UHMK1: variants seen among roughly 807,000 people sequenced by gnomAD.
UHMK1 encodes the protein U2AF homology motif kinase 1.
UHMK1 carries 18 observed loss-of-function variants against 44.0 expected under a neutral mutation model. The observed-to-expected ratio is 0.41, with a 90% CI of 0.28 to 0.61. UHMK1 has a LOEUF of 0.61. UHMK1 is among the 20% of genes least tolerant of loss of function. UHMK1 has a pLI of 0.31. For synonymous variants in UHMK1, 231 were observed against 198.5 expected, an observed-to-expected ratio of 1.16 and a Z score of -1.38; for missense variants, 463 against 522.5, an observed-to-expected ratio of 0.89 and a Z score of 1.11.
intron 4 of UHMK1, among the ~76,000 whole-genome samples, chr1:162,510,822 T>G (rs1651639127): frequency 6.6e-6 from 1 of 152,192 alleles, no homozygotes; most frequent in African/African-American, 2.4e-5. Flanking sequence ...CCTTTGGATA[T>G]ATACCCAGTA....
chr1:162,505,007 T>C (rs1651419018), intron 4 of UHMK1, among the ~76,000 whole-genome samples: 1 of 152,190 alleles, frequency 6.6e-6, no homozygotes, highest in South Asian at 2.1e-4. Flanking sequence ...ACTCCTGACC[T>C]CAAGTGATCT....
chr1:162,523,564 C>G lies in UHMK1; in HGVS notation c.*1014C>G, dbSNP rs565932542. On this transcript the variant is annotated 3_prime_UTR_variant, in exon 8 of 8. Coordinates refer to ENST00000489294, the MANE Select transcript of UHMK1 (RefSeq NM_175866.5). ...GTAAATCTATAGTTTTAAGGTTTCT[C>G]AAGATGTGGCTCTACCTACTATGAT... 1 of 152,574 alleles carries G rather than the reference C, an allele frequency of 6.6e-6. No individual in the cohort carries two copies. Among genetic ancestry groups the G allele is most frequent in the East Asian group, 1.9e-4 (1 of 5,186 alleles). 9.5% of individuals were successfully genotyped at this position (152,574 alleles called of 1,614,324 possible). A position where few individuals can be genotyped will look rare whatever the true frequency, so the allele number is the denominator to read the frequency against.
intron 2 of UHMK1, 181 bp from the exon 3 acceptor site, chr1:162,500,732 C>A: frequency 1.7e-6 from 1 of 592,254 alleles, no homozygotes; most frequent in South Asian, 2.3e-5. Flanking sequence ...AAATGTACAG[C>A]TTGCCTCTGA....
upstream of UHMK1, chr1:162,497,809 C>A: frequency 7.6e-7 from 1 of 1,315,032 alleles, no homozygotes; most frequent in East Asian, 3.3e-5. Flanking sequence ...TCCTCCATTT[C>A]CGGCTTCTGG....
chr1:162,506,263 G>T (rs1651464990), intron 4 of UHMK1, among the ~76,000 whole-genome samples: 3 of 130,068 alleles, frequency 2.3e-5, no homozygotes, highest in African/African-American at 5.9e-5. Context: ...TACTAAATTT[G>T]GAAACTATAG....
chr1:162,504,180 TC>T (rs1252228715), intron 4 of UHMK1, among the ~76,000 whole-genome samples: 1 of 151,880 alleles, frequency 6.6e-6, no homozygotes, highest in Non-Finnish European at 1.5e-5. Context: ...ACTACTCCCC[TC>T]CCCCCAAAAA....
chr1:162,518,213 G>A, intron 7 of UHMK1, 23 bp downstream of exon 7: 1 of 1,513,314 alleles, frequency 6.6e-7, no homozygotes, highest in African/African-American at 1.4e-5. Context: ...TTTCATAATT[G>A]CAGATTACTC....
chr1:162,521,217 A>C (rs894733755), intron 7 of UHMK1, among the ~76,000 whole-genome samples: 2 of 152,220 alleles, frequency 1.3e-5, no homozygotes, highest in African/African-American at 2.4e-5. Context: ...AAATAATCAG[A>C]ATTAAAATGA....
chr1:162,500,371 GC>G, intron 2 of UHMK1, 124 bp downstream of exon 2: 1 of 1,124,264 alleles, frequency 8.9e-7, no homozygotes, highest in Non-Finnish European at 1.2e-6. Flanking sequence ...TTACTGAAAT[GC>G]CAGGGGATGC....
rs1240770953 is a variant in UHMK1, at chr1:162,525,484, G to A, written c.*2934G>A. 6.6e-6 allele frequency: 1 copy of A among 152,176 alleles called. No individual in the cohort carries two copies. The highest frequency in any genetic ancestry group is 2.4e-5 in the African/African-American group (1 of 41,432). 9.4% of individuals were successfully genotyped at this position (152,176 alleles called of 1,614,324 possible). A position where few individuals can be genotyped will look rare whatever the true frequency, so the allele number is the denominator to read the frequency against. On this transcript the variant is annotated 3_prime_UTR_variant, in exon 8 of 8. Coordinates refer to ENST00000489294, the MANE Select transcript of UHMK1 (RefSeq NM_175866.5). Reference sequence around the variant, plus strand: ...TGTACACCCAGAAAAGGCACATACAGTGATTATTTTGTGGGAAATACTTGA... The same window carrying A: ...TGTACACCCAGAAAAGGCACATACAATGATTATTTTGTGGGAAATACTTGA...
chr1:162,497,261 C>A, upstream of UHMK1: 1 of 702,516 alleles, frequency 1.4e-6, no homozygotes, highest in Non-Finnish European at 2.6e-6. Flanking sequence ...ATGTTTCTTA[C>A]CAGACCGAAG....
chr1:162,503,611 CAAAA>C (rs33964112), intron 3 of UHMK1, 139 bp from the exon 4 acceptor site: 16,994 of 352,110 alleles, frequency 0.048, no homozygotes, highest in South Asian at 0.065. Context: ...ACCCTGTCTC[CAAAA>C]AAAAAAAAAA....
intron 7 of UHMK1, among the ~76,000 whole-genome samples, chr1:162,521,978 T>G (rs1652075869): frequency 6.6e-6 from 1 of 152,172 alleles, no homozygotes; most frequent in South Asian, 2.1e-4. Context: ...ACCAATATTT[T>G]TTCCTTTTTC....
chr1:162,512,420 C>A, intron 4 of UHMK1, 80 bp from the exon 5 acceptor site: 1 of 1,106,604 alleles, frequency 9.0e-7, no homozygotes, highest in Non-Finnish European at 1.3e-6. Context: ...GATGAACATT[C>A]AGACATTCTT....
chr1:162,528,732 C>G lies in UHMK1; in HGVS notation c.*6182C>G, dbSNP rs1336016181. On this transcript the variant is annotated 3_prime_UTR_variant, in exon 8 of 8. Transcript: ENST00000489294. ...TTTGCAGACTGTAAAGCTGCCCTATCTTTTCCAGCAGAATTTACTCTTCCA... is the reference window on the plus strand; with the variant it reads ...TTTGCAGACTGTAAAGCTGCCCTATGTTTTCCAGCAGAATTTACTCTTCCA... 2 of 152,112 alleles carry G rather than the reference C, an allele frequency of 1.3e-5. No individual in the cohort carries two copies. Among genetic ancestry groups the G allele is most frequent in the Non-Finnish European group, 2.9e-5 (2 of 67,970 alleles). The allele number at this position is 152,112 out of a possible 1,614,324, so 9.4% of individuals were successfully genotyped here.
At chr1:162,511,829 C>T (rs530543719) in intron 4 of UHMK1, among the ~76,000 whole-genome samples, 9 of 151,994 alleles carry the variant, frequency 5.9e-5, no homozygotes, top group African/African-American at 1.7e-4. Context: ...TTCCCAGCAC[C>T]GTTTATTGAA....
chr1:162,498,344 T>G, intron 1 of UHMK1, 76 bp downstream of exon 1: 1 of 1,486,038 alleles, frequency 6.7e-7, no homozygotes, highest in South Asian at 1.4e-5. Flanking sequence ...TGTCTGGCGT[T>G]CCATCTTCCT....
chr1:162,500,382 C>A, intron 2 of UHMK1, 135 bp downstream of exon 2: 2 of 1,065,822 alleles, frequency 1.9e-6, no homozygotes. Flanking sequence ...CCAGGGGATG[C>A]AGTAAATCAA....
upstream of UHMK1, chr1:162,497,690 T>C: frequency 2.3e-6 from 2 of 870,878 alleles, no homozygotes; most frequent in Non-Finnish European, 3.1e-6. Context: ...ACTCAATAAT[T>C]AAGGTTACTT....
Sources: gnomAD v4.1 joint callset for allele counts (sites outside exome capture counted in the v4.1 genomes callset) on GRCh38, gnomAD v4.1.1 for gene constraint, MANE v1.5 for transcripts, NCBI Gene and HGNC (gene_info 2026-07-23, HGNC 2026-07-21) for gene names.